The following THNSL1 variants were observed in gnomAD, a reference collection of about 807,000 sequenced individuals.
The protein encoded by THNSL1 is threonine synthase like 1.
Under a neutral mutation model 50.4 loss-of-function variants are expected in THNSL1, and 48 were observed. The ratio of observed to expected loss-of-function variants is 0.95; its 90% CI spans 0.76 to 1.21. THNSL1 has a LOEUF of 1.21. Among genes scored for constraint, THNSL1 ranks in the 50% most tolerant of loss-of-function variants. THNSL1 has a pLI of 0.00. For synonymous variants in THNSL1, 309 were observed against 306.1 expected (o/e 1.01, Z -0.10); for missense variants, 896 against 871.7 (o/e 1.03, Z -0.35).
At chr10:25,002,918 G>T in the THNSL1 span, among the ~76,000 whole-genome samples, 1 of 149,372 alleles carries the variant, frequency 6.7e-6, no homozygotes, top group African/African-American at 2.5e-5. Flanking sequence ...AATTTCATTT[G>T]GGGTAAAAAA....
the THNSL1 span, among the ~76,000 whole-genome samples, chr10:24,972,317 G>A: frequency 1.3e-5 from 2 of 151,928 alleles, no homozygotes; most frequent in Admixed American, 1.3e-4. Flanking sequence ...AGACCAGCCT[G>A]GCCAACATGG....
chr10:24,952,834 A>C, the THNSL1 span, among the ~76,000 whole-genome samples: 2 of 151,552 alleles, frequency 1.3e-5, no homozygotes, highest in African/African-American at 4.8e-5. This position sits in a 1 kb window ranked among gnomAD's most constrained non-coding sequence, Gnocchi z 5.1. Flanking sequence ...GCTCCCCCTG[A>C]GCGCGGGCCC....
upstream of THNSL1, chr10:25,016,236 C>G: frequency 9.6e-7 from 1 of 1,041,686 alleles, no homozygotes; most frequent in Non-Finnish European, 1.2e-6. Flanking sequence ...CCTCTTCCCT[C>G]TTTCTGCAGC....
intron 1 of THNSL1, among the ~76,000 whole-genome samples, chr10:25,017,269 C>T (rs550570530): frequency 7.2e-5 from 11 of 152,282 alleles, no homozygotes; most frequent in South Asian, 2.1e-4. Context: ...TTTTGTTCCA[C>T]CTGGTCACCC....
intron 1 of THNSL1, among the ~76,000 whole-genome samples, chr10:25,018,341 G>A (rs1347582523): frequency 6.6e-6 from 1 of 152,194 alleles, no homozygotes; most frequent in Non-Finnish European, 1.5e-5. Context: ...TCCACCGCAT[G>A]TCCACAGGGA....
At chr10:24,988,301 T>C in the THNSL1 span, among the ~76,000 whole-genome samples, 2 of 146,078 alleles carry the variant, frequency 1.4e-5, no homozygotes, top group Non-Finnish European at 3.0e-5. Context: ...TATATGTATA[T>C]ATATTTATAT....
chr10:25,008,196 G>C, the THNSL1 span, among the ~76,000 whole-genome samples: 1 of 151,930 alleles, frequency 6.6e-6, no homozygotes, highest in Non-Finnish European at 1.5e-5. Context: ...AATACTAAGA[G>C]ACCATATATT....
chr10:25,018,162 T>G (rs1182712159), intron 1 of THNSL1, among the ~76,000 whole-genome samples: 2 of 152,240 alleles, frequency 1.3e-5, no homozygotes, highest in African/African-American at 4.8e-5. Flanking sequence ...CACTGTGGTA[T>G]AGTTAGTTTA....
Position 25,023,925 on chromosome 10 carries a change from A to G in THNSL1, c.702A>G (p.Thr234=). 1 of 1,614,172 alleles carries G rather than the reference A, an allele frequency of 6.2e-7. No homozygotes were observed. Among genetic ancestry groups the G allele is most frequent in the Non-Finnish European group, 8.5e-7 (1 of 1,180,022 alleles). Residue 234 remains threonine (T), a synonymous_variant, in exon 3 of 3, where the codon ACA becomes ACG. Coordinates refer to ENST00000376356, the MANE Select transcript of THNSL1 (RefSeq NM_024838.5). ...TGGACTCGGAAACATTCATTTCAAC[A>G]AGACACGTTTGGCCTGAAGACTGTG... ...QDVDSETFIS[T]RHVWPEDCEQ...
chr10:25,016,076 C>T (rs1850563251), upstream of THNSL1: 4 of 1,383,864 alleles, frequency 2.9e-6, no homozygotes, highest in Non-Finnish European at 2.8e-6. Flanking sequence ...TTCACATCGT[C>T]CCCCTTTAAC....
chr10:24,963,231 A>T, the THNSL1 span, among the ~76,000 whole-genome samples: 2 of 152,234 alleles, frequency 1.3e-5, no homozygotes, highest in Non-Finnish European at 2.9e-5. Context: ...ATGCCTTAGC[A>T]ATTGTGAAAG....
chr10:25,014,521 GA>G (rs376706730), upstream of THNSL1, among the ~76,000 whole-genome samples: 598 of 146,268 alleles, frequency 4.1e-3, 3 homozygotes, highest in Middle Eastern at 7.0e-3. Flanking sequence ...AATTTTTTTT[GA>G]AAAAAAAAAT....
the THNSL1 span, among the ~76,000 whole-genome samples, chr10:24,995,083 A>AAT: frequency 2.0e-5 from 3 of 152,206 alleles, no homozygotes; most frequent in Non-Finnish European, 4.4e-5. Flanking sequence ...TTCAGATACA[A>AAT]ATGAAGGACC....
At position 25,023,866 on chromosome 10, in the gene THNSL1, A is replaced by G; in HGVS notation, c.643A>G (p.Lys215Glu). The G allele has an allele frequency of 1.2e-6, 2 of 1,614,206 alleles. No homozygotes were observed. The highest frequency in any genetic ancestry group is 4.5e-5 in the East Asian group (2 of 44,878). ...GGCTTCCCCAGAGGAGGTAGCTGAC[A>G]AAGTGCTGAATGCAATTAAAAGATA... ...SGASPEEVADKVLNAIKRYQD... is the reference protein window; with the variant it reads ...SGASPEEVADEVLNAIKRYQD... The change falls in exon 3 of 3, where the codon AAA becomes GAA. Residue 215 changes from lysine to glutamate, a missense_variant. Lys to Glu is a moderately conservative substitution (Grantham distance 56). Transcript: ENST00000376356.
At chr10:24,984,472 TAATG>T in the THNSL1 span, 1 of 1,372,290 alleles carries the variant, frequency 7.3e-7, no homozygotes, top group Non-Finnish European at 9.9e-7. Context: ...TACATAATAA[TAATG>T]AATTACATTG....
At chr10:24,984,836 G>T in the THNSL1 span, 1 of 1,613,372 alleles carries the variant, frequency 6.2e-7, no homozygotes, top group Non-Finnish European at 8.5e-7. Context: ...ATCTTCTTTG[G>T]TATAGAATCT....
At position 25,025,218 on chromosome 10, in the gene THNSL1, A is replaced by T. The variant is rs1564351018; in HGVS notation, c.1995A>T (p.Thr665=). 5 of 1,614,098 alleles carry T rather than the reference A, an allele frequency of 3.1e-6. No homozygotes were observed. The highest frequency in any genetic ancestry group is 8.5e-7 in the Non-Finnish European group (1 of 1,180,042). ...DKTCPVIISS[T]AHYSKFAPAI... ...CTTGCCCTGTGATTATCTCATCTAC[A>T]GCCCATTACTCAAAGTTTGCACCTG... Residue 665 remains threonine (T), a synonymous_variant, in exon 3 of 3, where the codon ACA becomes ACT. Transcript: ENST00000376356.
intron 1 of THNSL1, among the ~76,000 whole-genome samples, chr10:25,017,422 G>A (rs1351981498): frequency 6.6e-6 from 1 of 152,106 alleles, no homozygotes; most frequent in African/African-American, 2.4e-5. Flanking sequence ...CTGCCCGAAG[G>A]AAATAAAGCT....
At chr10:25,003,126 A>T in the THNSL1 span, among the ~76,000 whole-genome samples, 4 of 152,084 alleles carry the variant, frequency 2.6e-5, no homozygotes, top group African/African-American at 7.2e-5. Context: ...TCTCCAATAA[A>T]TTTTCCAGAA....
Sources: allele counts gnomAD v4.1 joint callset (sites outside exome capture counted in the v4.1 genomes callset), GRCh38; gene constraint gnomAD v4.1.1; non-coding constraint Gnocchi (gnomAD v3.1); transcripts MANE v1.5; gene names NCBI Gene and HGNC (gene_info 2026-07-23, HGNC 2026-07-21).